The following PDE1C variants were observed in gnomAD, a reference collection of about 807,000 sequenced individuals.
PDE1C encodes dual specificity calcium/calmodulin-dependent 3',5'-cyclic nucleotide phosphodiesterase 1C.
PDE1C carries 62 observed loss-of-function variants against 93.1 expected under a neutral mutation model. The observed-to-expected ratio is 0.67, with a 90% CI of 0.54 to 0.82. The LOEUF (loss-of-function observed/expected upper bound fraction) is 0.82. PDE1C is among the 40% of genes least tolerant of loss of function. The probability of loss-of-function intolerance (pLI) is 0.00; values close to 1 mark genes in which losing one functional copy is unlikely to be tolerated. For synonymous variants in PDE1C, 325 were observed against 310.1 expected, an observed-to-expected ratio of 1.05 and a Z score of -0.50; for missense variants, 742 against 884.6, an observed-to-expected ratio of 0.84 and a Z score of 2.04.
chr7:31,757,857 T>C (rs1358189788), intron 17 of PDE1C, among the ~76,000 whole-genome samples: 2 of 152,202 alleles, frequency 1.3e-5, no homozygotes, highest in South Asian at 2.1e-4. Context: ...CGTATGTTTA[T>C]TGCAGCACTA....
chr7:32,309,594 T>G (rs527422934), intron 1 of PDE1C, among the ~76,000 whole-genome samples: 80 of 152,316 alleles, frequency 5.3e-4, no homozygotes, highest in African/African-American at 1.9e-3. Context: ...GGGCCAATAT[T>G]CAACATTCTT....
intron 1 of PDE1C, among the ~76,000 whole-genome samples, chr7:32,215,780 C>G (rs1034351998): frequency 2.0e-5 from 3 of 152,216 alleles, no homozygotes; most frequent in African/African-American, 7.2e-5. Flanking sequence ...AACACTGCCA[C>G]CCCTGTTTTG....
intron 16 of PDE1C, among the ~76,000 whole-genome samples, chr7:31,798,542 A>T (rs993056807): frequency 1.3e-5 from 2 of 151,818 alleles, no homozygotes; most frequent in Admixed American, 1.3e-4. Flanking sequence ...CATAAACTAG[A>T]GTAGAAGTCT....
At chr7:32,027,771 G>C (rs1191109100) in intron 2 of PDE1C, among the ~76,000 whole-genome samples, 1 of 151,196 alleles carries the variant, frequency 6.6e-6, no homozygotes, top group Admixed American at 6.6e-5. Context: ...AAAATCTGCT[G>C]TCTATTAGGC....
At chr7:32,101,111 C>A (rs1405836654) in intron 3 of PDE1C, among the ~76,000 whole-genome samples, 5 of 152,164 alleles carry the variant, frequency 3.3e-5, no homozygotes, top group Admixed American at 3.3e-4. Flanking sequence ...TTGTTCTTTT[C>A]CTTGTTCATT....
chr7:32,176,571 G>C (rs900364648), intron 2 of PDE1C, among the ~76,000 whole-genome samples: 2 of 152,058 alleles, frequency 1.3e-5, no homozygotes, highest in African/African-American at 4.8e-5. Flanking sequence ...AAACAGAAAT[G>C]AACCTAACTG....
chr7:31,846,217 ACTTTT>A (rs1440772101), intron 9 of PDE1C, among the ~76,000 whole-genome samples: 2 of 144,690 alleles, frequency 1.4e-5, no homozygotes, highest in African/African-American at 5.1e-5. Flanking sequence ...ACATACTTTT[ACTTTT>A]CTTTTTTTTT....
chr7:32,294,090 C>T (rs1262891023), intron 1 of PDE1C, among the ~76,000 whole-genome samples: 1 of 152,116 alleles, frequency 6.6e-6, no homozygotes, highest in Admixed American at 6.5e-5. Flanking sequence ...GCCCAGATCC[C>T]CTCTGAGAGG....
chr7:32,242,430 A>AG (rs1278311449), intron 1 of PDE1C, among the ~76,000 whole-genome samples: 1 of 152,240 alleles, frequency 6.6e-6, no homozygotes, highest in Admixed American at 6.5e-5. Context: ...GTAAAAGCCT[A>AG]GGGTATGCCC....
the PDE1C span, among the ~76,000 whole-genome samples, chr7:31,632,449 A>T: frequency 6.6e-6 from 1 of 152,148 alleles, no homozygotes. Context: ...TCCTTCTCAA[A>T]AAATAAATAA....
At chr7:31,652,714 C>A in the PDE1C span, 2 of 1,613,946 alleles carry the variant, frequency 1.2e-6, no homozygotes, top group Non-Finnish European at 1.7e-6. Flanking sequence ...TTCACTCCAC[C>A]CACCTTGGAG....
chr7:32,054,730 T>C (rs890144990), intron 1 of PDE1C, among the ~76,000 whole-genome samples: 7 of 152,306 alleles, frequency 4.6e-5, no homozygotes, highest in African/African-American at 1.7e-4. Flanking sequence ...TATTGTAAAG[T>C]TTCCCCCTTC....
intron 1 of PDE1C, among the ~76,000 whole-genome samples, chr7:32,393,913 C>G (rs995146681): frequency 6.6e-6 from 1 of 152,154 alleles, no homozygotes; most frequent in African/African-American, 2.4e-5. Flanking sequence ...CTACCCTTAA[C>G]CATGTTTTAT....
chr7:32,142,014 CAT>C (rs1475593465), intron 3 of PDE1C, among the ~76,000 whole-genome samples: 4 of 152,118 alleles, frequency 2.6e-5, no homozygotes, highest in African/African-American at 9.7e-5. Flanking sequence ...TGACCACACA[CAT>C]GTCTGTCGCT....
chr7:32,389,429 C>T (rs1784711297), intron 1 of PDE1C, among the ~76,000 whole-genome samples: 1 of 152,172 alleles, frequency 6.6e-6, no homozygotes, highest in Non-Finnish European at 1.5e-5. Context: ...GTTGGCCAGG[C>T]TGGTTTCGAA....
intron 1 of PDE1C, among the ~76,000 whole-genome samples, chr7:32,281,527 G>A (rs1355401436): frequency 6.6e-6 from 1 of 152,142 alleles, no homozygotes; most frequent in East Asian, 1.9e-4. Flanking sequence ...CAAGGCTGCA[G>A]TGAGCCAAGG....
At chr7:32,245,095 C>G (rs1808827747) in intron 1 of PDE1C, among the ~76,000 whole-genome samples, 1 of 152,246 alleles carries the variant, frequency 6.6e-6, no homozygotes. Flanking sequence ...GTCTTAGGGA[C>G]CCCCAAAGCC....
At chr7:31,822,550 A>G (rs1789101411) in intron 14 of PDE1C, among the ~76,000 whole-genome samples, 1 of 152,168 alleles carries the variant, frequency 6.6e-6, no homozygotes, top group South Asian at 2.1e-4. Context: ...ATTTCTGTTT[A>G]CCGACAATTT....
intron 1 of PDE1C, among the ~76,000 whole-genome samples, chr7:32,421,622 C>A (rs536236185): frequency 6.6e-6 from 1 of 152,266 alleles, no homozygotes; most frequent in Admixed American, 6.5e-5. Context: ...TGACACCAGG[C>A]TGCCTGGAAG....
Sources: allele counts gnomAD v4.1 joint callset (sites outside exome capture counted in the v4.1 genomes callset), GRCh38; gene constraint gnomAD v4.1.1; transcripts MANE v1.5; gene names NCBI Gene and HGNC (gene_info 2026-07-23, HGNC 2026-07-21).